Variants in GALNT13 observed in about 807,000 individuals in gnomAD.
GALNT13 encodes UDP-GalNAc:polypeptide N-acetylgalactosaminyltransferase 13.
A neutral mutation model predicts 64.2 loss-of-function variants in GALNT13; 28 were observed. That is an observed-to-expected ratio of 0.44 (90% CI 0.32 to 0.60). GALNT13 has a LOEUF of 0.60. GALNT13 is among the 20% of genes least tolerant of loss of function. The pLI is 0.05. For missense variants in GALNT13, 577 were observed against 669.8 expected, an observed-to-expected ratio of 0.86 and a Z score of 1.53; for synonymous variants, 214 against 224.6, an observed-to-expected ratio of 0.95 and a Z score of 0.42.
intron 4 of GALNT13, among the ~76,000 whole-genome samples, chr2:154,193,509 GTT>G (rs1032188203): frequency 5.3e-5 from 8 of 152,168 alleles, no homozygotes; most frequent in Non-Finnish European, 1.2e-4. Flanking sequence ...AATGTTGAAA[GTT>G]TTTATTTCTC....
At chr2:153,343,705 TAG>T in the GALNT13 span, among the ~76,000 whole-genome samples, 5 of 152,122 alleles carry the variant, frequency 3.3e-5, no homozygotes, top group Non-Finnish European at 7.4e-5. Flanking sequence ...TTATCCTGAC[TAG>T]GCCAGCTTCC....
chr2:154,235,881 G>A (rs1031484326), intron 4 of GALNT13, among the ~76,000 whole-genome samples: 4 of 152,144 alleles, frequency 2.6e-5, no homozygotes, highest in African/African-American at 9.7e-5. Context: ...AATTGTAACA[G>A]TTTATGTTTC....
At chr2:153,313,322 A>T in the GALNT13 span, among the ~76,000 whole-genome samples, 31 of 152,226 alleles carry the variant, frequency 2.0e-4, no homozygotes, top group Non-Finnish European at 3.5e-4. Flanking sequence ...GGCAGCATGG[A>T]TACAGAAAAT....
At chr2:153,742,781 A>G in the GALNT13 span, among the ~76,000 whole-genome samples, 9 of 152,040 alleles carry the variant, frequency 5.9e-5, no homozygotes, top group Non-Finnish European at 1.0e-4. Context: ...ATAGTATTTC[A>G]TGGTACATAT....
intron 3 of GALNT13, among the ~76,000 whole-genome samples, chr2:153,972,646 T>C (rs1202727483): frequency 6.6e-6 from 1 of 152,040 alleles, no homozygotes; most frequent in East Asian, 1.9e-4. Flanking sequence ...TGTAACTCTA[T>C]ATTAGGTACT....
the GALNT13 span, among the ~76,000 whole-genome samples, chr2:153,572,363 A>AT: frequency 6.7e-6 from 1 of 148,546 alleles, no homozygotes; most frequent in African/African-American, 2.4e-5. Context: ...TAGTTTGGCT[A>AT]AAGGTTTGTT....
chr2:153,938,075 A>G (rs1017669632), intron 2 of GALNT13, among the ~76,000 whole-genome samples: 2 of 152,218 alleles, frequency 1.3e-5, no homozygotes, highest in Non-Finnish European at 2.9e-5. Flanking sequence ...TTAATATAAC[A>G]TCTTTGCATA....
At chr2:153,592,565 C>T in the GALNT13 span, among the ~76,000 whole-genome samples, 15 of 152,208 alleles carry the variant, frequency 9.9e-5, no homozygotes, top group East Asian at 2.9e-3. Context: ...AACTGGAGGT[C>T]ATTATTTTAA....
At chr2:154,296,557 A>G (rs1475544396) in intron 8 of GALNT13, among the ~76,000 whole-genome samples, 2 of 152,192 alleles carry the variant, frequency 1.3e-5, no homozygotes, top group East Asian at 3.9e-4. Context: ...CGTCTCATGT[A>G]TAACAAGTCG....
the GALNT13 span, among the ~76,000 whole-genome samples, chr2:153,433,405 A>G: frequency 6.8e-6 from 1 of 147,002 alleles, no homozygotes; most frequent in Non-Finnish European, 1.5e-5. Context: ...TTGATAATTA[A>G]TTTTCCACTC....
the GALNT13 span, among the ~76,000 whole-genome samples, chr2:153,651,309 A>T: frequency 6.6e-6 from 1 of 152,206 alleles, no homozygotes; most frequent in East Asian, 1.9e-4. Flanking sequence ...TGAGAAAATA[A>T]TTGATAAATA....
the GALNT13 span, among the ~76,000 whole-genome samples, chr2:153,118,145 ACC>A: frequency 1.4e-3 from 210 of 147,436 alleles, 1 homozygote; most frequent in South Asian, 3.0e-3. Flanking sequence ...ACACACACAC[ACC>A]CCACATAAAC....
At chr2:153,966,961 A>G (rs1407587706) in intron 3 of GALNT13, among the ~76,000 whole-genome samples, 4 of 152,026 alleles carry the variant, frequency 2.6e-5, no homozygotes, top group Non-Finnish European at 5.9e-5. Context: ...CATACAGTCT[A>G]TCTTCAAGTT....
chr2:154,178,637 G>A (rs1272575564), intron 4 of GALNT13, among the ~76,000 whole-genome samples: 1 of 152,074 alleles, frequency 6.6e-6, no homozygotes, highest in Non-Finnish European at 1.5e-5. Flanking sequence ...GTCCTTAATT[G>A]TATCAATTAA....
intron 4 of GALNT13, among the ~76,000 whole-genome samples, chr2:154,216,156 T>C (rs1688030308): frequency 6.6e-6 from 1 of 152,100 alleles, no homozygotes; most frequent in South Asian, 2.1e-4. Flanking sequence ...ACACATCTTA[T>C]GTGTAGTAAT....
intron 4 of GALNT13, among the ~76,000 whole-genome samples, chr2:154,145,110 A>C (rs758585968): frequency 5.0e-4 from 71 of 142,850 alleles, no homozygotes; most frequent in South Asian, 8.9e-4. Flanking sequence ...CTATATATAT[A>C]TATATATATA....
intron 3 of GALNT13, among the ~76,000 whole-genome samples, chr2:153,968,573 T>G (rs1008231863): frequency 2.6e-5 from 4 of 152,222 alleles, no homozygotes; most frequent in Non-Finnish European, 5.9e-5. Flanking sequence ...TTTATGAATG[T>G]GCTTCCTTGC....
At chr2:154,281,148 T>C (rs1324761918) in intron 8 of GALNT13, among the ~76,000 whole-genome samples, 1 of 152,258 alleles carries the variant, frequency 6.6e-6, no homozygotes, top group Non-Finnish European at 1.5e-5. Flanking sequence ...CATGAGTTAC[T>C]GTTTGAAACA....
At chr2:153,723,194 G>A in the GALNT13 span, among the ~76,000 whole-genome samples, 1 of 138,624 alleles carries the variant, frequency 7.2e-6, no homozygotes. Context: ...CAGAGCCAAA[G>A]ACAAAAACCA....
Sources: allele counts gnomAD v4.1 joint callset (sites outside exome capture counted in the v4.1 genomes callset), GRCh38; gene constraint gnomAD v4.1.1; transcripts MANE v1.5; gene names NCBI Gene and HGNC (gene_info 2026-07-23, HGNC 2026-07-21).